The following MFSD12 variants were observed in gnomAD, a reference collection of about 807,000 sequenced individuals.
MFSD12 encodes the protein major facilitator superfamily domain containing 12, also known as major facilitator superfamily domain-containing protein 12.
In MFSD12, 67 loss-of-function variants were observed where a neutral mutation model predicts 51.2. That is an observed-to-expected ratio of 1.31 (90% CI 1.08 to 1.60). The LOEUF (loss-of-function observed/expected upper bound fraction) is 1.60. MFSD12 is among the 40% of genes most tolerant of loss of function. The pLI is 0.00. For missense variants in MFSD12, 921 were observed against 673.0 expected (o/e 1.37, Z -4.08); for synonymous variants, 441 against 316.7 (o/e 1.39, Z -4.17).
Position 3,546,360 on chromosome 19 carries a change from T to C in MFSD12, c.1089A>G (p.Gly363=). The change falls in exon 7 of 10, where the codon GGA becomes GGG. Residue 363 remains glycine, a synonymous_variant. Transcript: ENST00000355415. Reference sequence around the variant, plus strand: ...CCGCTGCGTACACGGCCACACCCAGTCCCTCCGCCAGCGCCACCCAGGCGG... The same window carrying C: ...CCGCTGCGTACACGGCCACACCCAGCCCCTCCGCCAGCGCCACCCAGGCGG... ...AFAAWVALAE[G]LGVAVYAAAV... 1 of 1,607,674 alleles carries C rather than the reference T, an allele frequency of 6.2e-7. No individual in the cohort carries two copies. The highest frequency in any genetic ancestry group is 8.5e-7 in the Non-Finnish European group (1 of 1,177,930).
chr19:3,543,471 CG>C (rs1442222211), downstream of MFSD12: 7 of 1,475,230 alleles, frequency 4.7e-6, no homozygotes, highest in East Asian at 1.5e-4. Context: ...AGCATGCCAT[CG>C]GGTGAGTGCC....
downstream of MFSD12, chr19:3,543,633 G>A (rs1268862810): frequency 4.5e-6 from 7 of 1,544,142 alleles, no homozygotes; most frequent in South Asian, 1.2e-5. Context: ...AGCACCCGGT[G>A]GGGGAGCGCG....
chr19:3,549,806 C>T (rs1401439416), intron 2 of MFSD12, among the ~76,000 whole-genome samples: 2 of 150,710 alleles, frequency 1.3e-5, no homozygotes, highest in Non-Finnish European at 3.0e-5. Flanking sequence ...GGCAGATCAC[C>T]TGAGGTCAGG....
chr19:3,543,997 C>A, downstream of MFSD12: 1 of 1,542,388 alleles, frequency 6.5e-7, no homozygotes, highest in Non-Finnish European at 8.8e-7. Flanking sequence ...TCCCTCACAC[C>A]CACTCCCCGA....
chr19:3,554,368 C>T (rs1346870638), intron 1 of MFSD12, among the ~76,000 whole-genome samples: 2 of 148,798 alleles, frequency 1.3e-5, no homozygotes, highest in East Asian at 2.0e-4. Flanking sequence ...ACTCAGGAGG[C>T]GAAGGTTGCA....
At chr19:3,543,070 T>C, downstream of MFSD12, 6 of 1,591,336 alleles carry the variant, frequency 3.8e-6, no homozygotes, top group East Asian at 2.3e-5. Context: ...GCACCCACTC[T>C]GGGGTGAGGG....
At position 3,547,907 on chromosome 19, in the gene MFSD12, CA is replaced by C. The variant is rs1599830282; in HGVS notation, c.777del (p.Ala260ProfsTer26). 4 of 1,569,524 alleles carry C rather than the reference CA, an allele frequency of 2.5e-6. No individual in the cohort carries two copies. The highest frequency in any genetic ancestry group is 3.4e-6 in the Non-Finnish European group (4 of 1,166,888). On this transcript the variant is annotated frameshift_variant, in exon 4 of 10. Coordinates refer to ENST00000355415, the MANE Select transcript of MFSD12 (RefSeq NM_174983.5). LOFTEE classifies it high-confidence loss of function. ...CAGAGCAGCAGGGGCTGGGCCGTGG[CA>C]GGGGCCAACAGGGGGGTGTGCTCGC... ...EPGEHTPLLA[P>X]ATAQPLLLWK... is the part of the protein sequence containing the mutation.
rs577787648 is a variant in MFSD12, at chr19:3,548,230, C to T, written c.547G>A (p.Gly183Ser). ...FTVVANITVY[G>S]AAWLLLHLQG... ...AGGTGCAGCAGGAGCCAGGCGGCGC[C>T]GTAGACGGTGATGTTGGCCACCACG... Residue 183 changes from glycine (G) to serine (S), a missense_variant, in exon 3 of 10, where the codon GGC becomes AGC. By Grantham distance (56) the Gly-to-Ser change is moderately conservative. Transcript: ENST00000355415. 6.8e-5 allele frequency: 106 copies of T among 1,552,798 alleles called. 4 individuals are homozygous for T. In the South Asian group the frequency reaches 9.6e-4, roughly 14 times the overall value.
At position 3,557,339 on chromosome 19, in the gene MFSD12, C is replaced by T; in HGVS notation, c.65G>A (p.Arg22Gln). The change falls in exon 1 of 10, where the codon CGG (arginine) becomes CAG (glutamine). Residue 22 changes from arginine to glutamine, a missense_variant. Physicochemically the swap from Arg to Gln is conservative, Grantham distance 43. Coordinates refer to ENST00000355415, the MANE Select transcript of MFSD12 (RefSeq NM_174983.5). The stretch of plus-strand genomic sequence containing the variant: ...GAAGTGGCCCACGGCGTAGCTCAGC[C>T]GCGCCACCAGGGACAGCGGCCGCGG... ...PSPRPLSLVARLSYAVGHFLN... is the reference protein window; with the variant it reads ...PSPRPLSLVAQLSYAVGHFLN... The T allele has an allele frequency of 1.3e-6, 2 of 1,553,710 alleles. No homozygotes were observed. Among genetic ancestry groups the T allele is most frequent in the Non-Finnish European group, 1.7e-6 (2 of 1,153,006 alleles).
chr19:3,554,422 G>A (rs1329534682), intron 1 of MFSD12, among the ~76,000 whole-genome samples: 2 of 149,302 alleles, frequency 1.3e-5, no homozygotes, highest in East Asian at 2.0e-4. Flanking sequence ...GAGCGACAGA[G>A]TGAGACTCTG....
chr19:3,550,976 G>T lies in MFSD12; in HGVS notation c.509+8C>A. ...CCTGCCCGTGGGGGAGGGTGCCCAGGCTCCCACCTGAGTGCCGTGAGCTCC... is the reference window on the plus strand; with the variant it reads ...CCTGCCCGTGGGGGAGGGTGCCCAGTCTCCCACCTGAGTGCCGTGAGCTCC... On this transcript the variant is annotated splice_region_variant and intron_variant, in intron 2 of 9. Transcript: ENST00000355415. 1 of 1,609,240 alleles carries T rather than the reference G, an allele frequency of 6.2e-7. No individual in the cohort carries two copies. The highest frequency in any genetic ancestry group is 1.1e-5 in the South Asian group (1 of 90,622).
At position 3,547,724 on chromosome 19, in the gene MFSD12, C is replaced by T. The variant is rs1358806369; in HGVS notation, c.837+124G>A. 1.2e-5 allele frequency: 15 copies of T among 1,269,694 alleles called. No homozygotes were observed. In the South Asian group the frequency reaches 1.8e-4, roughly 16 times the overall value. The allele number at this position is 1,269,694 out of a possible 1,614,324, so 78.7% of individuals were successfully genotyped here. A position where few individuals can be genotyped will look rare whatever the true frequency, so the allele number is the denominator to read the frequency against. ...AGCAGCACTTGATGAGTGACGTTTG[C>T]CCTGGGTGTGGGCTGCACCAGGGGC... On this transcript the variant is annotated intron_variant, in intron 4 of 9. Transcript: ENST00000355415.
downstream of MFSD12, chr19:3,541,483 C>T (rs941749775): frequency 4.0e-5 from 7 of 173,214 alleles, no homozygotes; most frequent in African/African-American, 9.6e-5. Context: ...CCACCACGCC[C>T]GGCTAATTTT....
downstream of MFSD12, chr19:3,542,101 C>T (rs573025446): frequency 7.7e-4 from 755 of 984,788 alleles, no homozygotes; most frequent in Middle Eastern, 2.6e-3. Context: ...TGAGCCACTG[C>T]GCCCAGACAA....
At position 3,551,350 on chromosome 19, in the gene MFSD12, G is replaced by A. The variant is rs1241907332; in HGVS notation, c.299-156C>T. ...GCAGGAGCGAGGGTCTGCAGTCGGGGTCCCCCAGGCTTATGGCCCCTGGTG... is the reference window on the plus strand; with the variant it reads ...GCAGGAGCGAGGGTCTGCAGTCGGGATCCCCCAGGCTTATGGCCCCTGGTG... On this transcript the variant is annotated intron_variant, in intron 1 of 9. Coordinates refer to ENST00000355415, the MANE Select transcript of MFSD12 (RefSeq NM_174983.5). This position sits in a 1 kb window ranked among gnomAD's most constrained non-coding sequence, Gnocchi z 4.6. Among the ~76,000 whole-genome samples the A allele has an allele frequency of 1.3e-5, 2 of 152,202 alleles. No individual in the cohort carries two copies. Among genetic ancestry groups the A allele is most frequent in the African/African-American group, 4.8e-5 (2 of 41,462 alleles).
chr19:3,546,229 C>G (rs371429788), intron 7 of MFSD12, 26 bp downstream of exon 7: 19 of 1,606,620 alleles, frequency 1.2e-5, no homozygotes, highest in Admixed American at 1.0e-4. Context: ...CGGCCTCCCC[C>G]ACCCCAGCCT....
In MFSD12 at chr19:3,544,683, T is replaced by A; in HGVS notation, c.*27A>T. The A allele has an allele frequency of 6.3e-7, 1 of 1,582,842 alleles. No individual in the cohort carries two copies. Among genetic ancestry groups the A allele is most frequent in the Non-Finnish European group, 8.6e-7 (1 of 1,162,260 alleles). On this transcript the variant is annotated 3_prime_UTR_variant, in exon 10 of 10. Transcript: ENST00000355415. ...TCCTCGTGCGTCCCCACAGTTCCCT[T>A]GCACAGGTGCAGGAGGCTGTCAGGA...
downstream of MFSD12, chr19:3,542,552 C>T: frequency 1.2e-6 from 1 of 843,394 alleles, no homozygotes. Context: ...CAGCTTACTG[C>T]AAACTCCACT....
downstream of MFSD12, chr19:3,543,488 C>G (rs1381596454): frequency 6.6e-7 from 1 of 1,520,548 alleles, no homozygotes; most frequent in East Asian, 2.5e-5. Context: ...GTGCCCCCCC[C>G]CCCGCCCTGG....
Sources: gnomAD v4.1 joint callset for allele counts (sites outside exome capture counted in the v4.1 genomes callset) on GRCh38, gnomAD v4.1.1 for gene constraint, Gnocchi (gnomAD v3.1) non-coding constraint, MANE v1.5 for transcripts, NCBI Gene and HGNC (gene_info 2026-07-23, HGNC 2026-07-21) for gene names.